Variants in C1orf94 observed in about 807,000 individuals in gnomAD.
C1orf94 encodes the protein chromosome 1 open reading frame 94.
In C1orf94, 45 loss-of-function variants were observed where a neutral mutation model predicts 53.6. The ratio of observed to expected loss-of-function variants is 0.84; its 90% CI spans 0.66 to 1.08. The LOEUF is 1.08. Ranked by LOEUF, C1orf94 falls within the 50% of genes least tolerant of loss-of-function variation. C1orf94 has a pLI of 0.00. For missense variants in C1orf94, 762 were observed against 738.9 expected (o/e 1.03, Z -0.36); for synonymous variants, 304 against 296.1 (o/e 1.03, Z -0.27).
In C1orf94 at chr1:34,212,169, G is replaced by A. The variant is rs751512906; in HGVS notation, c.1525-41G>A. ...GGTGGCTGGGGTTAGAGTTGGGCTG[G>A]GGAATGGTGACCTCACCCCTCTCTT... On this transcript the variant is annotated intron_variant, in intron 5 of 6. Coordinates refer to ENST00000488417, the MANE Select transcript of C1orf94 (RefSeq NM_001134734.2). 26 of 1,553,022 alleles carry A rather than the reference G, an allele frequency of 1.7e-5. 1 individual carries two copies. The Middle Eastern group carries it at 5.2e-4, about 31-fold the overall frequency.
At chr1:34,211,744 C>G (rs1000590143) in intron 5 of C1orf94, among the ~76,000 whole-genome samples, 6 of 152,098 alleles carry the variant, frequency 3.9e-5, no homozygotes, top group African/African-American at 1.4e-4. Flanking sequence ...CTGTCTCGGA[C>G]TTGCAATCTG....
intron 4 of C1orf94, among the ~76,000 whole-genome samples, chr1:34,204,121 C>G (rs1396534035): frequency 6.6e-6 from 1 of 152,190 alleles, no homozygotes; most frequent in African/African-American, 2.4e-5. Flanking sequence ...CTCGGCTTGT[C>G]CTGTTGCTAT....
Position 34,177,774 on chromosome 1 carries a change from T to A in C1orf94, c.-16T>A, listed in dbSNP as rs1258642650. The A allele has an allele frequency of 6.6e-7, 1 of 1,518,838 alleles. No individual in the cohort carries two copies. Among genetic ancestry groups the A allele is most frequent in the South Asian group, 1.2e-5 (1 of 80,462 alleles). The allele number at this position is 1,518,838 out of a possible 1,614,324, so 94.1% of individuals were successfully genotyped here. A position where few individuals can be genotyped will look rare whatever the true frequency, so the allele number is the denominator to read the frequency against. ...CCACTTCTGCCAAGCCCCATCCTCA[T>A]CTCCCTTTCTGGTGAATGAGGGGTG... is the stretch of plus-strand genomic sequence containing the variant. On this transcript the variant is annotated 5_prime_UTR_variant, in exon 1 of 7. Coordinates refer to ENST00000488417, the MANE Select transcript of C1orf94 (RefSeq NM_001134734.2).
chr1:34,197,384 C>A lies in C1orf94; in HGVS notation c.480C>A (p.Cys160Ter). The change falls in exon 2 of 7, where the codon TGC becomes TGA. Residue 160 changes from cysteine to a stop codon, truncating the protein, a stop_gained. Coordinates refer to ENST00000488417, the MANE Select transcript of C1orf94 (RefSeq NM_001134734.2). LOFTEE classifies it high-confidence loss of function. This position sits in a 1 kb window ranked among gnomAD's most constrained non-coding sequence, Gnocchi z 4.1. The part of the protein sequence containing the change: ...SPEGTRELAP[C>*]ILAPPLVAGS... ...AGGGGACCAGAGAGCTGGCTCCCTG[C>A]ATTCTTGCCCCTCCTCTAGTGGCAG... 6.2e-7 allele frequency: 1 copy of A among 1,613,464 alleles called. No individual in the cohort carries two copies. The highest frequency in any genetic ancestry group is 1.1e-5 in the South Asian group (1 of 90,988).
At position 34,212,209 on chromosome 1, in the gene C1orf94, G is replaced by A; in HGVS notation, c.1525-1G>A. On this transcript the variant is annotated splice_acceptor_variant, in intron 5 of 6. Coordinates refer to ENST00000488417, the MANE Select transcript of C1orf94 (RefSeq NM_001134734.2). LOFTEE classifies it high-confidence loss of function. ...ACCCCTCTCTTCTCTGTGATGTGCA[G>A]GTGATGCCATACAACCCACAGCAGA... 1 of 1,607,672 alleles carries A rather than the reference G, an allele frequency of 6.2e-7. No homozygotes were observed.
At chr1:34,212,748 G>A (rs1642917517) in intron 6 of C1orf94, among the ~76,000 whole-genome samples, 1 of 152,100 alleles carries the variant, frequency 6.6e-6, no homozygotes, top group African/African-American at 2.4e-5. Context: ...GTTACAACAG[G>A]ACATGGCCAG....
At chr1:34,209,092 G>C (rs1030850588) in intron 5 of C1orf94, among the ~76,000 whole-genome samples, 1 of 152,098 alleles carries the variant, frequency 6.6e-6, no homozygotes, top group Non-Finnish European at 1.5e-5. Flanking sequence ...GAACGTAACT[G>C]GGTGTCCTGT....
upstream of C1orf94, among the ~76,000 whole-genome samples, chr1:34,176,405 A>C (rs767013443): frequency 4.6e-5 from 7 of 152,092 alleles, no homozygotes; most frequent in Non-Finnish European, 1.0e-4. Context: ...AAGCCGCTTC[A>C]GTGAGGGTAG....
intron 4 of C1orf94, among the ~76,000 whole-genome samples, chr1:34,206,476 T>A (rs1334067893): frequency 1.5e-4 from 23 of 152,202 alleles, no homozygotes; most frequent in Non-Finnish European, 2.9e-5. Context: ...CATGGAATGC[T>A]CCCAGCAGAG....
In C1orf94 at chr1:34,177,506, G is replaced by T. The variant is rs1392898865; in HGVS notation, c.-284G>T. Among the ~76,000 whole-genome samples the T allele has an allele frequency of 6.6e-6, 1 of 152,178 alleles. No individual in the cohort carries two copies. Among genetic ancestry groups the T allele is most frequent in the African/African-American group, 2.4e-5 (1 of 41,458 alleles). On this transcript the variant is annotated 5_prime_UTR_variant, in exon 1 of 7. Coordinates refer to ENST00000488417, the MANE Select transcript of C1orf94 (RefSeq NM_001134734.2). The stretch of plus-strand genomic sequence containing the variant: ...CAGATGTCATTCTGCCCGCCCAGGC[G>T]CCTGGTTCCTGAGCTCCGCAGCATT...
chr1:34,170,393 A>G (rs1443220659), intron 1 of C1orf94, among the ~76,000 whole-genome samples: 2 of 152,178 alleles, frequency 1.3e-5, no homozygotes, highest in Non-Finnish European at 2.9e-5. Flanking sequence ...AAGGGCTCCT[A>G]GCTCAGCCTA....
chr1:34,214,674 G>A (rs1642953536), intron 6 of C1orf94, among the ~76,000 whole-genome samples: 1 of 152,196 alleles, frequency 6.6e-6, no homozygotes, highest in Non-Finnish European at 1.5e-5. Flanking sequence ...GGGAACCACC[G>A]ACTGGGAGCT....
intron 6 of C1orf94, among the ~76,000 whole-genome samples, chr1:34,212,616 G>A (rs1642913713): frequency 6.6e-6 from 1 of 152,158 alleles, no homozygotes; most frequent in African/African-American, 2.4e-5. Context: ...GGCCCCTTTT[G>A]TAGGTGCATT....
chr1:34,188,771 A>G (rs1642428863), intron 1 of C1orf94, among the ~76,000 whole-genome samples: 1 of 152,146 alleles, frequency 6.6e-6, no homozygotes, highest in Non-Finnish European at 1.5e-5. Flanking sequence ...CTCCAGCCCT[A>G]AGCTTAGTCC....
intron 1 of C1orf94, among the ~76,000 whole-genome samples, chr1:34,192,004 G>A (rs1057010574): frequency 3.9e-5 from 6 of 152,168 alleles, no homozygotes; most frequent in East Asian, 1.9e-4. Context: ...AGCTGGAGCC[G>A]CAGAACTGAT....
intron 5 of C1orf94, among the ~76,000 whole-genome samples, chr1:34,209,809 A>C (rs1433606402): frequency 6.6e-6 from 1 of 152,180 alleles, no homozygotes; most frequent in Non-Finnish European, 1.5e-5. Context: ...TTGAACAAGA[A>C]TATCGTCCAC....
intron 5 of C1orf94, 108 bp from the exon 6 acceptor site, chr1:34,212,102 C>T: frequency 2.0e-6 from 2 of 976,216 alleles, no homozygotes; most frequent in Middle Eastern, 2.5e-4. Flanking sequence ...CTTCTGTGTA[C>T]CCAGCAGTGA....
Position 34,178,116 on chromosome 1 carries a change from AC to A in C1orf94, c.320+13del, listed in dbSNP as rs1027430120. The A allele has an allele frequency of 6.5e-7, 1 of 1,549,576 alleles. No homozygotes were observed. Among genetic ancestry groups the A allele is most frequent in the East Asian group, 2.4e-5 (1 of 40,836 alleles). Reference sequence around the variant, plus strand: ...AGCTCAGCTTTCAAGAAGAGTAAGTACCCCCCTACTCCATTGGCAGCAAGGG... The same window carrying A: ...AGCTCAGCTTTCAAGAAGAGTAAGTACCCCCTACTCCATTGGCAGCAAGGG... On this transcript the variant is annotated splice_region_variant and intron_variant, in intron 1 of 6. Transcript: ENST00000488417.
Position 34,218,836 on chromosome 1 carries a change from G to C in C1orf94, c.*75G>C. On this transcript the variant is annotated 3_prime_UTR_variant, in exon 7 of 7. Transcript: ENST00000488417. ...GCTCTGATTTTTGGATTCTGCAAAA[G>C]CTTGGTATGAAGTTTGGAAAAGCAA... 2 of 1,377,010 alleles carry C rather than the reference G, an allele frequency of 1.5e-6. No homozygotes were observed. The highest frequency in any genetic ancestry group is 1.0e-6 in the Non-Finnish European group (1 of 1,001,104). The allele number at this position is 1,377,010 out of a possible 1,614,324, so 85.3% of individuals were successfully genotyped here. A position where few individuals can be genotyped will look rare whatever the true frequency, so the allele number is the denominator to read the frequency against.
Sources: allele counts gnomAD v4.1 joint callset (sites outside exome capture counted in the v4.1 genomes callset), GRCh38; gene constraint gnomAD v4.1.1; non-coding constraint Gnocchi (gnomAD v3.1); transcripts MANE v1.5; gene names NCBI Gene and HGNC (gene_info 2026-07-23, HGNC 2026-07-21).